TTLL11: variants seen among roughly 807,000 people sequenced by gnomAD.
TTLL11 encodes tubulin tyrosine ligase like 11.
Under a neutral mutation model 51.7 loss-of-function variants are expected in TTLL11, and 42 were observed. That is an observed-to-expected ratio of 0.81 (90% CI 0.64 to 1.05). The LOEUF (loss-of-function observed/expected upper bound fraction) is 1.05, where lower values mean the gene tolerates loss of function less well. Ranked by LOEUF, TTLL11 falls within the 50% of genes least tolerant of loss-of-function variation. The probability of loss-of-function intolerance (pLI) is 0.00; values close to 1 mark genes in which losing one functional copy is unlikely to be tolerated. For synonymous variants in TTLL11, 381 were observed against 383.5 expected, an observed-to-expected ratio of 0.99 and a Z score of 0.08; for missense variants, 799 against 940.4, an observed-to-expected ratio of 0.85 and a Z score of 1.97.
At chr9:122,039,487 T>C in intron 1 of TTLL11, 119 bp from the exon 2 acceptor site, 1 of 683,512 alleles carries the variant, frequency 1.5e-6, no homozygotes. Flanking sequence ...ATCCTTATAA[T>C]ACGCATATGA....
chr9:122,073,116 A>T (rs1845770309), intron 1 of TTLL11, among the ~76,000 whole-genome samples: 1 of 152,178 alleles, frequency 6.6e-6, no homozygotes, highest in African/African-American at 2.4e-5. Context: ...TTGAATTTAA[A>T]ATCTGGTGGG....
At chr9:121,826,537 G>GTGTATATATA (rs1836797493) in intron 8 of TTLL11, among the ~76,000 whole-genome samples, 3 of 47,008 alleles carry the variant, frequency 6.4e-5, no homozygotes, top group African/African-American at 3.7e-4. Context: ...ATGTGTGTGT[G>GTGTATATATA]TATATATATA....
intron 8 of TTLL11, among the ~76,000 whole-genome samples, chr9:121,827,495 T>A (rs1392930135): frequency 1.3e-5 from 2 of 151,902 alleles, no homozygotes; most frequent in East Asian, 3.9e-4. Context: ...TCAAACCACA[T>A]CTCCCCCTCC....
At chr9:122,066,729 A>C (rs4837938) in intron 1 of TTLL11, among the ~76,000 whole-genome samples, 5,852 of 152,250 alleles carry the variant, frequency 0.038, 232 homozygotes, top group Admixed American at 0.13. Flanking sequence ...TTAAGTCCAG[A>C]GTAGTATGGT....
At position 121,895,571 on chromosome 9, in the gene TTLL11, TTG is replaced by T. The variant is rs887655483; in HGVS notation, c.1482-24825_1482-24824del. ...TGTACATATGTGTGTGTCTGTGTGG[TTG>T]TGTGTTTGTGTGACTGTGTGTGGTT... On this transcript the variant is annotated intron_variant, in intron 6 of 8. Transcript: ENST00000321582. Among the ~76,000 whole-genome samples the T allele has an allele frequency of 6.7e-5, 10 of 148,790 alleles. No individual in the cohort carries two copies. The South Asian group carries it at 1.5e-3, about 22-fold the overall frequency.
chr9:121,895,377 C>G (rs12350070), intron 6 of TTLL11, among the ~76,000 whole-genome samples: 1 of 150,914 alleles, frequency 6.6e-6, no homozygotes, highest in African/African-American at 2.4e-5. Context: ...GTGTGATGTG[C>G]GGTTGTATGA....
At chr9:122,014,445 G>A (rs1265375887) in intron 3 of TTLL11, among the ~76,000 whole-genome samples, 19 of 152,146 alleles carry the variant, frequency 1.2e-4, no homozygotes, top group Admixed American at 1.2e-3. Context: ...CACTTGAAAT[G>A]ACTGCATAGG....
intron 6 of TTLL11, among the ~76,000 whole-genome samples, chr9:121,913,398 G>A (rs9408931): frequency 0.53 from 80,822 of 152,056 alleles, 25,461 homozygotes; most frequent in Non-Finnish European, 0.7. Flanking sequence ...ACTGTCCCCA[G>A]CACAGTCTTC....
At chr9:122,082,375 A>C (rs1846021096) in intron 1 of TTLL11, among the ~76,000 whole-genome samples, 1 of 151,952 alleles carries the variant, frequency 6.6e-6, no homozygotes, top group Non-Finnish European at 1.5e-5. Context: ...AGTGGCACAC[A>C]CCTGTAATCC....
chr9:122,063,850 G>A (rs1476618076), intron 1 of TTLL11, among the ~76,000 whole-genome samples: 2 of 152,188 alleles, frequency 1.3e-5, no homozygotes, highest in South Asian at 4.1e-4. Context: ...CTAGCAATGG[G>A]GCGGCCTCCT....
rs142679657 is a variant in TTLL11, at chr9:122,004,655, C to T, written c.694-14885G>A. 3.1e-3 allele frequency among the ~76,000 whole-genome samples: 472 copies of T among 152,306 alleles called. 3 individuals are homozygous for T. The highest frequency in any genetic ancestry group is 0.011 in the African/African-American group (452 of 41,560). The stretch of plus-strand genomic sequence containing the variant: ...AATACTCTCTCGTTCATCTTTCCAA[C>T]GCCCTTATGAGATAGCGATTATTTG... On this transcript the variant is annotated intron_variant, in intron 3 of 8. Transcript: ENST00000321582.
intron 1 of TTLL11, among the ~76,000 whole-genome samples, chr9:122,069,428 A>T (rs1845672947): frequency 6.6e-6 from 1 of 152,226 alleles, no homozygotes; most frequent in South Asian, 2.1e-4. Flanking sequence ...CACGCCTGTA[A>T]TCCTAACACT....
intron 6 of TTLL11, among the ~76,000 whole-genome samples, chr9:121,889,817 T>G (rs1441084476): frequency 6.6e-6 from 1 of 151,720 alleles, no homozygotes; most frequent in Non-Finnish European, 1.5e-5. Context: ...GGAGAATCAC[T>G]TGAAATCAGG....
intron 6 of TTLL11, among the ~76,000 whole-genome samples, chr9:121,935,823 T>C (rs1375476630): frequency 6.6e-6 from 1 of 152,130 alleles, no homozygotes; most frequent in Non-Finnish European, 1.5e-5. Flanking sequence ...CTGGATAAAC[T>C]GGGAGAAGAG....
chr9:121,972,014 G>A (rs1186184945), intron 6 of TTLL11, among the ~76,000 whole-genome samples: 1 of 151,898 alleles, frequency 6.6e-6, no homozygotes, highest in African/African-American at 2.4e-5. Flanking sequence ...ATAGCATTAG[G>A]AGAAATACCT....
At chr9:121,971,074 G>A (rs1395356965) in intron 6 of TTLL11, among the ~76,000 whole-genome samples, 13 of 138,994 alleles carry the variant, frequency 9.4e-5, no homozygotes, top group African/African-American at 3.3e-4. Flanking sequence ...AGGTGGGGGG[G>A]TCAGCCCCCC....
At chr9:121,829,297 G>GAGTA (rs147407738) in intron 8 of TTLL11, among the ~76,000 whole-genome samples, 1,591 of 152,160 alleles carry the variant, frequency 0.01, 30 homozygotes, top group African/African-American at 0.036. Context: ...AAATCTCATA[G>GAGTA]AGTACCCAAA....
chr9:121,895,864 G>C (rs963802974), intron 6 of TTLL11, among the ~76,000 whole-genome samples: 6 of 76,406 alleles, frequency 7.9e-5, no homozygotes, highest in Non-Finnish European at 1.1e-4. Flanking sequence ...TGTGTTGTGT[G>C]GGTTTGTGTG....
At chr9:122,090,026 A>G (rs1172832539) in intron 1 of TTLL11, among the ~76,000 whole-genome samples, 3 of 151,920 alleles carry the variant, frequency 2.0e-5, no homozygotes, top group East Asian at 3.9e-4. Flanking sequence ...TGGGAAAAAA[A>G]GGGCAGGGTT....
Sources: gnomAD v4.1 joint callset for allele counts (sites outside exome capture counted in the v4.1 genomes callset) on GRCh38, gnomAD v4.1.1 for gene constraint, MANE v1.5 for transcripts, NCBI Gene and HGNC (gene_info 2026-07-23, HGNC 2026-07-21) for gene names.